The following ARAP2 variants were observed in gnomAD, a reference collection of about 807,000 sequenced individuals.
The protein encoded by ARAP2 is arf-GAP with Rho-GAP domain, ANK repeat and PH domain-containing protein 2.
A neutral mutation model predicts 194.5 loss-of-function variants in ARAP2; 148 were observed. The ratio of observed to expected loss-of-function variants is 0.76; its 90% CI spans 0.67 to 0.87. The LOEUF is 0.87. Ranked by LOEUF, ARAP2 falls within the 40% of genes least tolerant of loss-of-function variation. ARAP2 has a pLI of 0.00. For synonymous variants in ARAP2, 695 were observed against 683.5 expected (o/e 1.02, Z -0.26); for missense variants, 2,128 against 1,989.7 (o/e 1.07, Z -1.32).
rs1036563475 is a variant in ARAP2, at chr4:36,211,342, G to A, written c.1134-599C>T. Among the ~76,000 whole-genome samples, 13 of 152,212 alleles carry A rather than the reference G, an allele frequency of 8.5e-5. No homozygotes were observed. The East Asian group carries it at 2.5e-3, about 29-fold the overall frequency. On this transcript the variant is annotated intron_variant, in intron 5 of 32. Transcript: ENST00000303965. ...GTCAGTGTACATTCAGGAAGTAAAA[G>A]CTATGTAATGCACAATATTTATTGG...
chr4:36,050,740 T>C (rs1253021856), intron 3 of ARAP2, among the ~76,000 whole-genome samples: 1 of 152,230 alleles, frequency 6.6e-6, no homozygotes, highest in African/African-American at 2.4e-5. Flanking sequence ...TTCATACAAC[T>C]GAGTACCCCC....
At chr4:36,061,084 T>G (rs764386907), downstream of ARAP2, among the ~76,000 whole-genome samples, 6 of 152,194 alleles carry the variant, frequency 3.9e-5, no homozygotes, top group Non-Finnish European at 5.9e-5. Context: ...AATTTAATTT[T>G]TATGGGTACA....
At chr4:36,104,913 C>T (rs1262872067) in intron 27 of ARAP2, among the ~76,000 whole-genome samples, 2 of 151,794 alleles carry the variant, frequency 1.3e-5, no homozygotes, top group East Asian at 1.9e-4. Context: ...TGCAAAGTTC[C>T]TGGTACAATA....
At chr4:36,074,290 AT>A (rs1391346358) in intron 31 of ARAP2, among the ~76,000 whole-genome samples, 1 of 152,134 alleles carries the variant, frequency 6.6e-6, no homozygotes, top group Non-Finnish European at 1.5e-5. Context: ...CTCTTGAAAA[AT>A]GTTACTATTT....
At chr4:36,134,134 A>G (rs1045417580) in intron 19 of ARAP2, among the ~76,000 whole-genome samples, 19 of 151,738 alleles carry the variant, frequency 1.3e-4, no homozygotes, top group African/African-American at 4.3e-4. Flanking sequence ...CTTCAGTTTC[A>G]TCATTGGCAA....
intron 32 of ARAP2, among the ~76,000 whole-genome samples, chr4:36,069,883 CTGAG>C (rs1204453213): frequency 6.6e-6 from 1 of 152,058 alleles, no homozygotes; most frequent in African/African-American, 2.4e-5. Context: ...TGCTGTTCTC[CTGAG>C]TGAGTTATGT....
Position 36,193,633 on chromosome 4 carries a change from T to C in ARAP2, c.1502A>G (p.Gln501Arg), listed in dbSNP as rs776351290. The C allele has an allele frequency of 6.2e-7, 1 of 1,604,062 alleles. No individual in the cohort carries two copies. The highest frequency in any genetic ancestry group is 1.1e-5 in the South Asian group (1 of 88,272). Reference sequence around the variant, plus strand: ...GCCATCAAATTTCACCCATCTCTTTTGAAACATGCGTTTTCTGCAAAACAT... The same window carrying C: ...GCCATCAAATTTCACCCATCTCTTTCGAAACATGCGTTTTCTGCAAAACAT... ...KLSPQGKRMFQKRWVKFDGLS... is the reference protein window; with the variant it reads ...KLSPQGKRMFRKRWVKFDGLS... Residue 501 changes from glutamine (Q) to arginine (R), a missense_variant, in exon 7 of 33, where the codon CAA becomes CGA. Transcript: ENST00000303965.
chr4:36,112,149 C>G (rs1451451840), intron 26 of ARAP2, among the ~76,000 whole-genome samples: 2 of 151,922 alleles, frequency 1.3e-5, no homozygotes. Context: ...CAGAATGCAT[C>G]TACTTTTTTG....
chr4:36,141,023 T>C (rs992131504), intron 19 of ARAP2, among the ~76,000 whole-genome samples: 1 of 151,664 alleles, frequency 6.6e-6, no homozygotes, highest in Non-Finnish European at 1.5e-5. Flanking sequence ...AGCTATGGAA[T>C]GTGAAAATGG....
At chr4:36,016,754 G>T (rs1181883696) in intron 6 of ARAP2, among the ~76,000 whole-genome samples, 2 of 152,112 alleles carry the variant, frequency 1.3e-5, no homozygotes, top group Non-Finnish European at 2.9e-5. Context: ...TGCCTCGCTT[G>T]AAAACGTGAG....
chr4:36,047,033 G>C (rs1015814002), intron 3 of ARAP2: 1 of 152,242 alleles, frequency 6.6e-6, no homozygotes, highest in African/African-American at 2.4e-5. Flanking sequence ...TGCACCTTCA[G>C]AATGTGAGTT....
Position 36,067,801 on chromosome 4 carries a change from A to G in ARAP2, c.*106T>C. The stretch of plus-strand genomic sequence containing the variant: ...CTAAGCATAGACAAATTTGCCTATC[A>G]ATAGGCAAATTCTTATGAATTATCT... On this transcript the variant is annotated 3_prime_UTR_variant, in exon 33 of 33. Transcript: ENST00000303965. 12 of 1,322,750 alleles carry G rather than the reference A, an allele frequency of 9.1e-6. No individual in the cohort carries two copies. Among genetic ancestry groups the G allele is most frequent in the South Asian group, 1.6e-5 (1 of 63,170 alleles). 81.9% of individuals were successfully genotyped at this position (1,322,750 alleles called of 1,614,324 possible). A position where few individuals can be genotyped will look rare whatever the true frequency, so the allele number is the denominator to read the frequency against.
In ARAP2 at chr4:36,150,948, T is replaced by C. The variant is rs200502597; in HGVS notation, c.2849A>G (p.Glu950Gly). 1.2e-6 allele frequency: 2 copies of C among 1,613,266 alleles called. No individual in the cohort carries two copies. Among genetic ancestry groups the C allele is most frequent in the Non-Finnish European group, 1.7e-6 (2 of 1,179,598 alleles). Residue 950 changes from glutamate to glycine, a missense_variant, in exon 16 of 33, where the codon GAA becomes GGA. By Grantham distance (98) the Glu-to-Gly change is moderately conservative (BLOSUM62 -2). Transcript: ENST00000303965. ...TTTGTGTATAGCCAGGCAGATAACT[T>C]CATTGATATTAATGGTGCCATTAGG... ...TTPNGTININ[E>G]VICLAIHKED...
chr4:36,243,462 A>C (rs1174552335), intron 1 of ARAP2: 3 of 151,758 alleles, frequency 2.0e-5, no homozygotes, highest in Non-Finnish European at 2.9e-5. Context: ...TATTCCACAC[A>C]AATTAGCTTA....
intron 5 of ARAP2, among the ~76,000 whole-genome samples, chr4:36,042,276 AT>A (rs372562021): frequency 6.6e-6 from 1 of 152,344 alleles, no homozygotes; most frequent in African/African-American, 2.4e-5. Context: ...ATGCACATTA[AT>A]TATGTAAAAT....
chr4:36,024,649 T>G (rs115482500), intron 5 of ARAP2, among the ~76,000 whole-genome samples: 2,723 of 152,216 alleles, frequency 0.018, 60 homozygotes, highest in Non-Finnish European at 0.029. Context: ...AAACAAATAT[T>G]TAAAAGTAAA....
chr4:36,128,782 T>G (rs776196600), intron 20 of ARAP2, 37 bp from the exon 21 acceptor site: 1 of 1,499,566 alleles, frequency 6.7e-7, no homozygotes, highest in South Asian at 1.2e-5. Context: ...TTTAAAAGTC[T>G]AAATTCAAAA....
intron 10 of ARAP2, among the ~76,000 whole-genome samples, chr4:36,165,991 A>C (rs568509882): frequency 6.6e-6 from 1 of 152,300 alleles, no homozygotes; most frequent in South Asian, 2.1e-4. Flanking sequence ...CATCACTCTC[A>C]GTGGTTTCTG....
intron 6 of ARAP2, among the ~76,000 whole-genome samples, chr4:36,198,645 C>T (rs975189312): frequency 6.6e-6 from 1 of 152,244 alleles, no homozygotes; most frequent in East Asian, 1.9e-4. Flanking sequence ...TCAGCACTTC[C>T]CCAAGAGTGC....
Sources: gnomAD v4.1 joint callset for allele counts (sites outside exome capture counted in the v4.1 genomes callset) on GRCh38, gnomAD v4.1.1 for gene constraint, MANE v1.5 for transcripts, NCBI Gene and HGNC (gene_info 2026-07-23, HGNC 2026-07-21) for gene names.